USH2A: variants seen among roughly 807,000 people sequenced by gnomAD.
USH2A encodes the protein Usher syndrome 2A (autosomal recessive, mild).
USH2A carries 443 observed loss-of-function variants against 538.9 expected under a neutral mutation model. The ratio of observed to expected loss-of-function variants is 0.82; its 90% CI spans 0.76 to 0.89. The LOEUF is 0.89. Ranked by LOEUF, USH2A falls within the 40% of genes least tolerant of loss-of-function variation. The pLI is 0.00. For synonymous variants in USH2A, 2,413 were observed against 2,273.5 expected (o/e 1.06, Z -1.75); for missense variants, 6,633 against 6,324.8 (o/e 1.05, Z -1.65).
rs1558038863 is a variant in USH2A, at chr1:216,325,524, G to A, written c.924C>T (p.His308=). The change falls in exon 6 of 72, where the codon CAC becomes CAT. Residue 308 remains histidine (H), a synonymous_variant. Transcript: ENST00000307340. ...AQSHCRCPGS[H]PRVHPLAQRY... ...GCTGTGCCAAAGGGTGGACCCGCGG[G>A]TGGCTGCCAGGGCAACGGCAATGTG... The A allele has an allele frequency of 3.1e-6, 5 of 1,613,664 alleles. No homozygotes were observed. In the East Asian group the frequency reaches 8.9e-5, roughly 29 times the overall value.
At chr1:216,409,823 G>A (rs1391756858) in intron 3 of USH2A, among the ~76,000 whole-genome samples, 1 of 152,000 alleles carries the variant, frequency 6.6e-6, no homozygotes, top group Non-Finnish European at 1.5e-5. Context: ...ATAGGAACAG[G>A]CAAAGATTTC....
At chr1:216,285,930 C>A (rs746390271) in intron 11 of USH2A, among the ~76,000 whole-genome samples, 11 of 152,170 alleles carry the variant, frequency 7.2e-5, no homozygotes, top group Non-Finnish European at 1.2e-4. Context: ...TTACCCATTG[C>A]CTGTACCGCT....
intron 67 of USH2A, among the ~76,000 whole-genome samples, chr1:215,642,639 A>G (rs564068484): frequency 6.6e-6 from 1 of 152,230 alleles, no homozygotes; most frequent in East Asian, 1.9e-4. Flanking sequence ...GTTTCACTAC[A>G]TTTTACTACC....
chr1:216,174,439 G>T lies in USH2A; in HGVS notation c.4627+813C>A, dbSNP rs192047831. The T allele has an allele frequency of 9.7e-5, 96 of 985,280 alleles. No homozygotes were observed. The African/African-American group carries it at 1.6e-3, about 16-fold the overall frequency. 61.0% of individuals were successfully genotyped at this position (985,280 alleles called of 1,614,324 possible). On this transcript the variant is annotated intron_variant, in intron 21 of 71. Coordinates refer to ENST00000307340, the MANE Select transcript of USH2A (RefSeq NM_206933.4). ...GGTCATGGGACTTCCAAAATATTGCGGTACTAGTAAGGCCAGGAGGAGGGT... is the reference window on the plus strand; with the variant it reads ...GGTCATGGGACTTCCAAAATATTGCTGTACTAGTAAGGCCAGGAGGAGGGT...
At chr1:215,850,345 T>A (rs1663983596) in intron 44 of USH2A, among the ~76,000 whole-genome samples, 1 of 152,164 alleles carries the variant, frequency 6.6e-6, no homozygotes, top group Non-Finnish European at 1.5e-5. Context: ...TCTTCTGTAA[T>A]CTGAAGGCAA....
intron 35 of USH2A, among the ~76,000 whole-genome samples, chr1:215,976,047 A>G (rs984582246): frequency 6.6e-6 from 1 of 152,118 alleles, no homozygotes; most frequent in Non-Finnish European, 1.5e-5. Context: ...GGATGGATGT[A>G]TGCCTAGGAA....
At chr1:215,780,970 G>C (rs1039234522) in intron 54 of USH2A, among the ~76,000 whole-genome samples, 2 of 152,238 alleles carry the variant, frequency 1.3e-5, no homozygotes, top group Admixed American at 1.3e-4. Flanking sequence ...CTCTGTGTAA[G>C]TTTGTTTCCT....
At position 215,893,977 on chromosome 1, in the gene USH2A, A is replaced by G. The variant is rs59845231; in HGVS notation, c.7595-4923T>C. On this transcript the variant is annotated intron_variant, in intron 40 of 71. Transcript: ENST00000307340. ...GGAGAAAATCTATGCAACAGAAAAC[A>G]AAGTATGTAGTGAAAACATGCAGAA... Among the ~76,000 whole-genome samples, 102 of 152,328 alleles carry G rather than the reference A, an allele frequency of 6.7e-4. 4 individuals carry two copies. Among genetic ancestry groups the G allele is most frequent in the Middle Eastern group, 3.4e-3 (1 of 294 alleles).
At chr1:215,809,331 G>A (rs770474229) in intron 49 of USH2A, among the ~76,000 whole-genome samples, 4 of 151,940 alleles carry the variant, frequency 2.6e-5, no homozygotes, top group Non-Finnish European at 5.9e-5. Flanking sequence ...TCTACATGGC[G>A]AAAGCCAATA....
At chr1:215,957,878 G>C (rs1667107001) in intron 37 of USH2A, among the ~76,000 whole-genome samples, 1 of 152,120 alleles carries the variant, frequency 6.6e-6, no homozygotes, top group Non-Finnish European at 1.5e-5. Context: ...GTTACAAGCT[G>C]TACTGCATCA....
intron 4 of USH2A, among the ~76,000 whole-genome samples, chr1:216,358,227 T>C (rs2102699922): frequency 6.6e-6 from 1 of 152,240 alleles, no homozygotes; most frequent in Admixed American, 6.5e-5. Context: ...ACTTTCTGGG[T>C]GCAGAAACAG....
chr1:216,388,517 A>C (rs997723119), intron 3 of USH2A, among the ~76,000 whole-genome samples: 2 of 152,204 alleles, frequency 1.3e-5, no homozygotes, highest in Non-Finnish European at 2.9e-5. Flanking sequence ...AAGGAAAATT[A>C]CAAATACATA....
intron 32 of USH2A, among the ~76,000 whole-genome samples, chr1:216,007,606 G>C (rs908150056): frequency 4.6e-5 from 7 of 152,204 alleles, no homozygotes; most frequent in African/African-American, 1.7e-4. Context: ...AAAGACTTTG[G>C]TGTCTGTATT....
intron 44 of USH2A, among the ~76,000 whole-genome samples, chr1:215,856,358 A>C (rs11120672): frequency 0.15 from 22,617 of 152,006 alleles, 1,939 homozygotes; most frequent in African/African-American, 0.24. Context: ...CAAACAATCA[A>C]GTCAAAAAGT....
Position 215,742,234 on chromosome 1 carries a change from T to A in USH2A, c.11549-697A>T, listed in dbSNP as rs143187518. Among the ~76,000 whole-genome samples the A allele has an allele frequency of 5.0e-3, 758 of 152,158 alleles. 8 individuals carry two copies. The highest frequency in any genetic ancestry group is 0.017 in the African/African-American group (725 of 41,518). On this transcript the variant is annotated intron_variant, in intron 59 of 71. Coordinates refer to ENST00000307340, the MANE Select transcript of USH2A (RefSeq NM_206933.4). ...TTGCAGACTCATAATTCTAACCAAC[T>A]CCATGAGAACTAGCACTATTTGGAA...
intron 18 of USH2A, 90 bp from the exon 19 acceptor site, chr1:216,196,812 T>C: frequency 7.1e-7 from 1 of 1,409,564 alleles, no homozygotes; most frequent in South Asian, 1.2e-5. Context: ...ATTTAGTTTC[T>C]GAAATACCTT....
chr1:216,120,090 G>T (rs1558268453), intron 21 of USH2A, among the ~76,000 whole-genome samples: 2 of 151,836 alleles, frequency 1.3e-5, no homozygotes, highest in East Asian at 3.9e-4. Flanking sequence ...CAGTCATCCA[G>T]GATTGCTTAA....
chr1:215,954,292 T>C (rs1029934970), intron 37 of USH2A, among the ~76,000 whole-genome samples: 15 of 151,982 alleles, frequency 9.9e-5, no homozygotes, highest in Non-Finnish European at 1.6e-4. Flanking sequence ...CTATTCACAA[T>C]AGCAAAGACT....
intron 19 of USH2A, chr1:216,194,037 C>T (rs2034780422): frequency 6.6e-6 from 1 of 152,116 alleles, no homozygotes; most frequent in Admixed American, 6.6e-5. Context: ...TTTATCACTT[C>T]ACATTTGTTG....
Sources: gnomAD v4.1 joint callset for allele counts (sites outside exome capture counted in the v4.1 genomes callset) on GRCh38, gnomAD v4.1.1 for gene constraint, MANE v1.5 for transcripts, NCBI Gene and HGNC (gene_info 2026-07-23, HGNC 2026-07-21) for gene names.